Variants in SUGCT observed in about 807,000 individuals in gnomAD.
The protein encoded by SUGCT is succinyl-CoA:glutarate-CoA transferase, also known as succinyl-CoA:glutarate CoA-transferase.
A neutral mutation model predicts 55.0 loss-of-function variants in SUGCT; 41 were observed. The ratio of observed to expected loss-of-function variants is 0.74; its 90% CI spans 0.58 to 0.97. The LOEUF (loss-of-function observed/expected upper bound fraction) is 0.97. Among genes scored for constraint, SUGCT ranks in the 50% least tolerant of loss-of-function variants. The pLI is 0.00. For synonymous variants in SUGCT, 187 were observed against 200.4 expected (o/e 0.93, Z 0.56); for missense variants, 568 against 547.8 (o/e 1.04, Z -0.37).
chr7:40,143,430 G>T (rs536518719), intron 1 of SUGCT, among the ~76,000 whole-genome samples: 1 of 152,348 alleles, frequency 6.6e-6, no homozygotes, highest in East Asian at 1.9e-4. Flanking sequence ...AGCAGAGAGA[G>T]AGTGTGGCAC....
intron 7 of SUGCT, among the ~76,000 whole-genome samples, chr7:40,253,115 T>G (rs774734366): frequency 2.0e-5 from 3 of 152,208 alleles, no homozygotes; most frequent in Non-Finnish European, 4.4e-5. Flanking sequence ...CTATGCAAAT[T>G]TAGATAAGCT....
the SUGCT span, among the ~76,000 whole-genome samples, chr7:40,910,404 T>G: frequency 6.6e-6 from 1 of 152,144 alleles, no homozygotes; most frequent in Non-Finnish European, 1.5e-5. Flanking sequence ...ATAGTTAACT[T>G]ATCATGTGCT....
the SUGCT span, among the ~76,000 whole-genome samples, chr7:40,987,911 G>A: frequency 3.9e-5 from 6 of 152,020 alleles, no homozygotes; most frequent in African/African-American, 7.2e-5. Context: ...TTCTTAAAAC[G>A]TAGTGGTTGA....
chr7:40,198,753 T>C (rs1786430469), intron 6 of SUGCT, among the ~76,000 whole-genome samples: 1 of 150,368 alleles, frequency 6.7e-6, no homozygotes, highest in South Asian at 2.1e-4. Context: ...TCCCAACACT[T>C]TGAGAGGCCA....
chr7:40,734,677 A>C (rs1384524545), intron 12 of SUGCT, among the ~76,000 whole-genome samples: 1 of 152,064 alleles, frequency 6.6e-6, no homozygotes, highest in Non-Finnish European at 1.5e-5. Flanking sequence ...ATTTTTGTCC[A>C]ATTGACTATT....
intron 8 of SUGCT, among the ~76,000 whole-genome samples, chr7:40,303,639 G>A (rs750944801): frequency 5.3e-5 from 8 of 152,144 alleles, no homozygotes; most frequent in South Asian, 2.1e-4. Context: ...GTCAGCCACC[G>A]CACCTGGCCC....
chr7:41,005,847 C>A, the SUGCT span, among the ~76,000 whole-genome samples: 1 of 152,198 alleles, frequency 6.6e-6, no homozygotes, highest in Admixed American at 6.5e-5. Flanking sequence ...TCCTTGGTGA[C>A]TAGCCCTCAA....
chr7:40,525,870 G>T (rs937926241), intron 12 of SUGCT, among the ~76,000 whole-genome samples: 5 of 152,184 alleles, frequency 3.3e-5, no homozygotes, highest in Admixed American at 3.3e-4. Context: ...AGGGAGCAGA[G>T]GTGCAGAAGA....
chr7:40,525,968 A>G (rs2151584369), intron 12 of SUGCT, among the ~76,000 whole-genome samples: 1 of 152,306 alleles, frequency 6.6e-6, no homozygotes, highest in African/African-American at 2.4e-5. Context: ...TATTAAGTGC[A>G]TCTGCCTCGC....
chr7:40,373,178 G>C (rs1209630335), intron 9 of SUGCT, among the ~76,000 whole-genome samples: 1 of 151,786 alleles, frequency 6.6e-6, no homozygotes, highest in Middle Eastern at 3.4e-3. Flanking sequence ...AAGTTAGAAA[G>C]TTAAATTTCT....
the SUGCT span, among the ~76,000 whole-genome samples, chr7:40,898,337 C>T: frequency 6.6e-6 from 1 of 152,116 alleles, no homozygotes; most frequent in Non-Finnish European, 1.5e-5. Context: ...AGACTCACCG[C>T]GAAGGTCTGC....
chr7:40,840,165 T>G (rs1230645313), intron 13 of SUGCT, among the ~76,000 whole-genome samples: 2 of 152,160 alleles, frequency 1.3e-5, no homozygotes, highest in Admixed American at 1.3e-4. Flanking sequence ...GCGGAATCTC[T>G]GTGAGTAGGG....
chr7:40,166,062 C>T (rs1301208817), intron 1 of SUGCT, among the ~76,000 whole-genome samples: 3 of 152,154 alleles, frequency 2.0e-5, no homozygotes, highest in Non-Finnish European at 4.4e-5. Context: ...GTGGAGGTTG[C>T]AGGGAGCCGA....
intron 3 of SUGCT, among the ~76,000 whole-genome samples, chr7:40,188,291 AG>A (rs1378545432): frequency 2.0e-5 from 3 of 151,658 alleles, no homozygotes; most frequent in Admixed American, 6.6e-5. Context: ...AAAATTAGCC[AG>A]GTATGGTGGT....
intron 9 of SUGCT, among the ~76,000 whole-genome samples, chr7:40,355,415 T>C (rs1443217628): frequency 6.6e-6 from 1 of 152,012 alleles, no homozygotes; most frequent in Non-Finnish European, 1.5e-5. Context: ...GTAACCTTTG[T>C]AACCTTTTGG....
chr7:40,267,843 T>C (rs1791705651), intron 7 of SUGCT, among the ~76,000 whole-genome samples: 1 of 152,220 alleles, frequency 6.6e-6, no homozygotes, highest in Non-Finnish European at 1.5e-5. Flanking sequence ...AATATATTTA[T>C]AAGACATTTT....
At chr7:41,014,090 A>G in the SUGCT span, among the ~76,000 whole-genome samples, 1 of 152,352 alleles carries the variant, frequency 6.6e-6, no homozygotes, top group East Asian at 1.9e-4. Flanking sequence ...TGTGTCACAC[A>G]AAGTACCAAT....
At chr7:40,325,826 C>T (rs919571049) in intron 9 of SUGCT, among the ~76,000 whole-genome samples, 7 of 151,372 alleles carry the variant, frequency 4.6e-5, no homozygotes, top group African/African-American at 1.2e-4. Flanking sequence ...AAACAAACAA[C>T]AACAACAAAA....
chr7:40,512,039 T>C (rs1486441896), intron 12 of SUGCT, among the ~76,000 whole-genome samples: 4 of 152,254 alleles, frequency 2.6e-5, no homozygotes, highest in Admixed American at 2.6e-4. Context: ...AAATTCATTT[T>C]TCTTTACAAA....
Sources: allele counts gnomAD v4.1 joint callset (sites outside exome capture counted in the v4.1 genomes callset), GRCh38; gene constraint gnomAD v4.1.1; transcripts MANE v1.5; gene names NCBI Gene and HGNC (gene_info 2026-07-23, HGNC 2026-07-21).